The following SLC22A24 variants were observed in gnomAD, a reference collection of about 807,000 sequenced individuals.
The protein encoded by SLC22A24 is solute carrier family 22 member 24.
SLC22A24 carries 53 observed loss-of-function variants against 49.8 expected under a neutral mutation model. The observed-to-expected ratio is 1.06, with a 90% CI of 0.85 to 1.34. The LOEUF is 1.34. Among genes scored for constraint, SLC22A24 ranks in the 40% most tolerant of loss-of-function variants. The pLI is 0.00. For synonymous variants in SLC22A24, 302 were observed against 256.4 expected (o/e 1.18, Z -1.70); for missense variants, 786 against 675.9 (o/e 1.16, Z -1.81).
intron 5 of SLC22A24, among the ~76,000 whole-genome samples, chr11:63,101,781 G>T (rs1296969904): frequency 6.6e-6 from 1 of 152,084 alleles, no homozygotes; most frequent in Non-Finnish European, 1.5e-5. Flanking sequence ...TCTATAATTT[G>T]CAGCAACATG....
At chr11:63,125,737 C>T (rs1185855408) in intron 2 of SLC22A24, among the ~76,000 whole-genome samples, 1 of 152,156 alleles carries the variant, frequency 6.6e-6, no homozygotes, top group African/African-American at 2.4e-5. Flanking sequence ...GCCACACTGT[C>T]TTCCACAATG....
chr11:63,112,477 G>T (rs977827120), intron 4 of SLC22A24, among the ~76,000 whole-genome samples: 1 of 152,050 alleles, frequency 6.6e-6, no homozygotes, highest in Non-Finnish European at 1.5e-5. Context: ...ATTATCGTGT[G>T]GGAGTCTAAG....
At chr11:63,085,791 T>C (rs1002120315) in intron 6 of SLC22A24, among the ~76,000 whole-genome samples, 4 of 152,202 alleles carry the variant, frequency 2.6e-5, no homozygotes, top group Non-Finnish European at 4.4e-5. Context: ...ATGGTAATGA[T>C]AATAACAAAA....
At chr11:63,124,342 C>T (rs751324107) in intron 2 of SLC22A24, among the ~76,000 whole-genome samples, 1 of 152,094 alleles carries the variant, frequency 6.6e-6, no homozygotes, top group South Asian at 2.1e-4. Context: ...CTTGAGAAGG[C>T]ACAGATAATG....
chr11:63,108,479 G>A (rs1215327684), intron 4 of SLC22A24, among the ~76,000 whole-genome samples: 1 of 152,066 alleles, frequency 6.6e-6, no homozygotes, highest in East Asian at 1.9e-4. Flanking sequence ...CTCTCTTTCT[G>A]TTTTTTATAA....
At chr11:63,106,166 G>T (rs2087120534) in intron 4 of SLC22A24, among the ~76,000 whole-genome samples, 1 of 145,326 alleles carries the variant, frequency 6.9e-6, no homozygotes, top group Admixed American at 7.4e-5. Context: ...CCACCTATGA[G>T]TGAGAACATG....
intron 4 of SLC22A24, among the ~76,000 whole-genome samples, chr11:63,111,074 G>T (rs938767141): frequency 3.3e-5 from 5 of 151,914 alleles, no homozygotes; most frequent in Admixed American, 2.0e-4. Flanking sequence ...GTTGAATTTT[G>T]TCAAAGGCCT....
chr11:63,139,807 G>A (rs1352710477), intron 1 of SLC22A24, among the ~76,000 whole-genome samples: 1 of 152,080 alleles, frequency 6.6e-6, no homozygotes, highest in Non-Finnish European at 1.5e-5. Flanking sequence ...TGCTCTCCTG[G>A]CCCTTTTCCT....
chr11:63,135,142 A>G (rs1447554786), intron 1 of SLC22A24, among the ~76,000 whole-genome samples: 2 of 152,176 alleles, frequency 1.3e-5, no homozygotes, highest in African/African-American at 4.8e-5. Flanking sequence ...AGGTACAAAA[A>G]TTTTAAAAAT....
intron 4 of SLC22A24, among the ~76,000 whole-genome samples, chr11:63,104,516 G>A (rs1247363895): frequency 6.6e-6 from 1 of 152,118 alleles, no homozygotes; most frequent in Admixed American, 6.5e-5. Flanking sequence ...AACCATGAGT[G>A]TGTTAGTCCA....
intron 4 of SLC22A24, among the ~76,000 whole-genome samples, chr11:63,107,198 C>T (rs1424367171): frequency 6.6e-6 from 1 of 152,142 alleles, no homozygotes; most frequent in Non-Finnish European, 1.5e-5. Flanking sequence ...GATCTTTTCC[C>T]CATTTCTTGT....
At chr11:63,093,090 G>C (rs1233048400) in intron 6 of SLC22A24, among the ~76,000 whole-genome samples, 1 of 152,144 alleles carries the variant, frequency 6.6e-6, no homozygotes, top group Non-Finnish European at 1.5e-5. Context: ...ATGAAAAAAA[G>C]CTCATCGTCA....
intron 4 of SLC22A24, among the ~76,000 whole-genome samples, chr11:63,114,578 C>G (rs2087198593): frequency 6.6e-6 from 1 of 152,206 alleles, no homozygotes; most frequent in Non-Finnish European, 1.5e-5. Context: ...AAGTAGCTCT[C>G]CATCCAGCTT....
chr11:63,085,224 C>A (rs1262303451), intron 6 of SLC22A24, among the ~76,000 whole-genome samples: 2 of 151,826 alleles, frequency 1.3e-5, no homozygotes, highest in Admixed American at 6.6e-5. Context: ...TGAAAGAATA[C>A]CGCATATTAC....
intron 6 of SLC22A24, among the ~76,000 whole-genome samples, chr11:63,093,607 C>G (rs886439600): frequency 1.3e-5 from 2 of 152,024 alleles, no homozygotes; most frequent in Non-Finnish European, 2.9e-5. Flanking sequence ...AAACAAAATC[C>G]TGCATATTTT....
At chr11:63,122,004 T>C (rs2087255812) in intron 2 of SLC22A24, among the ~76,000 whole-genome samples, 1 of 152,194 alleles carries the variant, frequency 6.6e-6, no homozygotes, top group Admixed American at 6.5e-5. Context: ...TGAAGAGTTA[T>C]ACAAGTATGA....
chr11:63,123,724 C>T (rs189221905), intron 2 of SLC22A24, among the ~76,000 whole-genome samples: 49 of 152,262 alleles, frequency 3.2e-4, no homozygotes, highest in Non-Finnish European at 5.0e-4. Flanking sequence ...TCCTAGCAGT[C>T]CCCCAATAGT....
At chr11:63,115,538 C>T (rs182200040) in intron 4 of SLC22A24, among the ~76,000 whole-genome samples, 16 of 152,244 alleles carry the variant, frequency 1.1e-4, no homozygotes, top group African/African-American at 3.1e-4. Context: ...GGCAACACTG[C>T]GCCCTGCTTC....
In SLC22A24 at chr11:63,104,281, G is replaced by A; in HGVS notation, c.848C>T (p.Ala283Val). ...CTGATTGTTGATAATCAGCCACCGA[G>A]CAGACTCCACCATCTTCCTGATGAA... is the stretch of plus-strand genomic sequence containing the variant. The part of the protein sequence containing the change: ...FLSSWKMVES[A>V]RWLIINNQLD... The change falls in exon 5 of 10, where the codon GCT becomes GTT. Residue 283 changes from alanine (A) to valine (V), a missense_variant. Coordinates refer to ENST00000612278, the MANE Select transcript of SLC22A24 (RefSeq NM_001136506.2). 3 of 1,549,756 alleles carry A rather than the reference G, an allele frequency of 1.9e-6. No homozygotes were observed. The highest frequency in any genetic ancestry group is 2.6e-6 in the Non-Finnish European group (3 of 1,146,606).
Sources: allele counts gnomAD v4.1 joint callset (sites outside exome capture counted in the v4.1 genomes callset), GRCh38; gene constraint gnomAD v4.1.1; transcripts MANE v1.5; gene names NCBI Gene and HGNC (gene_info 2026-07-23, HGNC 2026-07-21).